Variants in ANO2 observed in about 807,000 individuals in gnomAD.
ANO2 encodes the protein anoctamin 2.
Under a neutral mutation model 124.2 loss-of-function variants are expected in ANO2, and 101 were observed. The observed-to-expected ratio is 0.81, with a 90% confidence interval of 0.69 to 0.96. The LOEUF (loss-of-function observed/expected upper bound fraction) is 0.96. ANO2 is among the 40% of genes least tolerant of loss of function. The pLI is 0.00. For missense variants in ANO2, 1,293 were observed against 1,274.5 expected (o/e 1.01, Z -0.22); for synonymous variants, 486 against 482.5 (o/e 1.01, Z -0.09).
chr12:5,653,351 T>G (rs1947005008), intron 14 of ANO2, among the ~76,000 whole-genome samples: 1 of 152,184 alleles, frequency 6.6e-6, no homozygotes. Context: ...TTGGGGGCAG[T>G]GGCAAAGAGA....
At chr12:5,604,292 G>A (rs976838055) in intron 19 of ANO2, among the ~76,000 whole-genome samples, 3 of 152,172 alleles carry the variant, frequency 2.0e-5, no homozygotes, top group African/African-American at 7.2e-5. Context: ...TGAGGAGGAG[G>A]AGGAGGAGGA....
chr12:5,628,143 T>A (rs574756254), intron 16 of ANO2, among the ~76,000 whole-genome samples: 12 of 151,706 alleles, frequency 7.9e-5, no homozygotes, highest in Admixed American at 5.3e-4. Flanking sequence ...CTTTCAAATT[T>A]AAAAAAAAAT....
At chr12:5,596,101 C>G (rs1263145117) in intron 20 of ANO2, among the ~76,000 whole-genome samples, 1 of 152,024 alleles carries the variant, frequency 6.6e-6, no homozygotes. Context: ...AGATTATATG[C>G]ACAAAGATAG....
rs377499491 is a variant in ANO2, at chr12:5,610,723, C to CATATATATAT, written c.2087+1923_2087+1932dup. ...ATACATGTATGTGTACACATATATACATATATATATATATATATATGAAAA... is the reference window on the plus strand; with the variant it reads ...ATACATGTATGTGTACACATATATACATATATATATATATATATATATATATATATGAAAA... On this transcript the variant is annotated intron_variant, in intron 19 of 24. Coordinates refer to ENST00000682330, the MANE Select transcript of ANO2 (RefSeq NM_001364791.2). Among the ~76,000 whole-genome samples, 880 of 116,872 alleles carry CATATATATAT rather than the reference C, an allele frequency of 7.5e-3. 24 individuals are homozygous for CATATATATAT. Among genetic ancestry groups the CATATATATAT allele is most frequent in the African/African-American group, 0.028 (821 of 29,662 alleles). 76.7% of individuals were successfully genotyped at this position (116,872 alleles called of 152,430 possible). A position where few individuals can be genotyped will look rare whatever the true frequency, so the allele number is the denominator to read the frequency against.
chr12:5,785,077 T>C (rs1291073188), intron 10 of ANO2, among the ~76,000 whole-genome samples: 1 of 152,142 alleles, frequency 6.6e-6, no homozygotes, highest in East Asian at 1.9e-4. Context: ...ACCCCTACCC[T>C]GGACCTATAA....
intron 10 of ANO2, among the ~76,000 whole-genome samples, chr12:5,774,535 T>G (rs1453367744): frequency 2.0e-5 from 3 of 152,196 alleles, no homozygotes; most frequent in Non-Finnish European, 4.4e-5. Context: ...GTAACAATTG[T>G]GCTAAGGAAA....
intron 4 of ANO2, among the ~76,000 whole-genome samples, chr12:5,833,103 C>T (rs1800861046): frequency 6.6e-6 from 1 of 152,218 alleles, no homozygotes; most frequent in Admixed American, 6.5e-5. Flanking sequence ...TACTCTAAAA[C>T]TGCGCCACGC....
intron 14 of ANO2, among the ~76,000 whole-genome samples, chr12:5,686,662 C>T (rs1948723196): frequency 6.6e-6 from 1 of 152,224 alleles, no homozygotes; most frequent in Non-Finnish European, 1.5e-5. Context: ...CCTCCATGGG[C>T]CCCTCTGGGA....
intron 10 of ANO2, among the ~76,000 whole-genome samples, chr12:5,752,769 C>G (rs781187944): frequency 3.9e-5 from 6 of 152,102 alleles, no homozygotes; most frequent in Non-Finnish European, 7.4e-5. Flanking sequence ...GTTGCTTGTG[C>G]TTTCTGTGCC....
Position 5,739,414 on chromosome 12 carries a change from C to G in ANO2, c.1352-15G>C, listed in dbSNP as rs758260533. ...GAACATGGTAGCTTAAAAAGAACAA[C>G]AAGAACAAAAACCTTGATTATTTTT... On this transcript the variant is annotated splice_polypyrimidine_tract_variant and intron_variant, in intron 12 of 24. Transcript: ENST00000682330. 1.9e-6 allele frequency: 3 copies of G among 1,581,368 alleles called. No homozygotes were observed. The highest frequency in any genetic ancestry group is 2.6e-6 in the Non-Finnish European group (3 of 1,162,222).
intron 14 of ANO2, among the ~76,000 whole-genome samples, chr12:5,721,616 C>T (rs7134392): frequency 0.5 from 76,074 of 151,870 alleles, 19,692 homozygotes; most frequent in South Asian, 0.61. Context: ...AGCCATCCTC[C>T]TGCCTCAGGC....
At chr12:5,717,648 T>G (rs1450149903) in intron 14 of ANO2, among the ~76,000 whole-genome samples, 1 of 152,190 alleles carries the variant, frequency 6.6e-6, no homozygotes, top group Non-Finnish European at 1.5e-5. Flanking sequence ...TTTCAGTGTG[T>G]ATTTCACCTT....
intron 7 of ANO2, among the ~76,000 whole-genome samples, chr12:5,817,340 G>A (rs1254969910): frequency 6.6e-6 from 1 of 152,236 alleles, no homozygotes. Context: ...AGAAACTGCT[G>A]TGGGACTAGC....
chr12:5,890,208 T>C (rs1250789015), intron 3 of ANO2, among the ~76,000 whole-genome samples: 1 of 152,194 alleles, frequency 6.6e-6, no homozygotes, highest in African/African-American at 2.4e-5. Flanking sequence ...TTCTCTACTA[T>C]GGCAGCTGCT....
chr12:5,580,768 T>C (rs1565434333), intron 20 of ANO2, among the ~76,000 whole-genome samples: 1 of 152,230 alleles, frequency 6.6e-6, no homozygotes, highest in Non-Finnish European at 1.5e-5. Flanking sequence ...GGCAGTTTGC[T>C]CAGCCCACAG....
At chr12:5,798,790 G>A (rs1319530779) in intron 10 of ANO2, among the ~76,000 whole-genome samples, 2 of 152,222 alleles carry the variant, frequency 1.3e-5, no homozygotes, top group South Asian at 2.1e-4. Flanking sequence ...CAGAACTCAC[G>A]TCTCCAGACT....
rs1421700793 is a variant in ANO2 at position 5,812,369 on chromosome 12, GAAAAA to G, written c.893-5006_893-5002del. On this transcript the variant is annotated intron_variant, in intron 7 of 24. Transcript: ENST00000682330. The stretch of plus-strand genomic sequence containing the variant: ...GAAGGAAGGAGGAAGGAGAGAGAAA[GAAAAA>G]GAAAGAAAGAAAGAAGGGAAGGAAG... 3.6e-5 allele frequency among the ~76,000 whole-genome samples: 4 copies of G among 109,776 alleles called. No homozygotes were observed. In the East Asian group the frequency reaches 1.1e-3, roughly 29 times the overall value. 72.0% of individuals were successfully genotyped at this position (109,776 alleles called of 152,430 possible). A position where few individuals can be genotyped will look rare whatever the true frequency, so the allele number is the denominator to read the frequency against.
chr12:5,581,549 TG>T (rs1317075218), intron 20 of ANO2, among the ~76,000 whole-genome samples: 8 of 152,216 alleles, frequency 5.3e-5, no homozygotes, highest in Non-Finnish European at 8.8e-5. Context: ...CCTGCTGGTT[TG>T]CTTCTTTACC....
In ANO2 at chr12:5,563,467, A is replaced by G. The variant is rs1198489299; in HGVS notation, c.2829T>C (p.Asp943=). 24 of 1,613,808 alleles carry G rather than the reference A, an allele frequency of 1.5e-5. No homozygotes were observed. The highest frequency in any genetic ancestry group is 1.2e-4 in the Admixed American group (7 of 60,004). ...QIKKEKSLLV[D]FFLKEEHEKL... ...TCTCATGCTCCTCTTTCAGGAAGAA[A>G]TCCACTAATAAGCTCTTCTCTTTCT... The change falls in exon 25 of 25, where the codon GAT becomes GAC. Residue 943 remains aspartate, a synonymous_variant. Transcript: ENST00000682330.
Sources: gnomAD v4.1 joint callset for allele counts (sites outside exome capture counted in the v4.1 genomes callset) on GRCh38, gnomAD v4.1.1 for gene constraint, MANE v1.5 for transcripts, NCBI Gene and HGNC (gene_info 2026-07-23, HGNC 2026-07-21) for gene names.